Variants in RBMS1 observed in about 807,000 individuals in gnomAD.
RBMS1 encodes RNA-binding motif, single-stranded-interacting protein 1.
RBMS1 carries 17 observed loss-of-function variants against 62.3 expected under a neutral mutation model. That is an observed-to-expected ratio of 0.27 (90% CI 0.19 to 0.41). The LOEUF (loss-of-function observed/expected upper bound fraction) is 0.41. Ranked by LOEUF, RBMS1 falls within the 10% of genes least tolerant of loss-of-function variation. The probability of loss-of-function intolerance (pLI) is 1.00; values close to 1 mark genes in which losing one functional copy is unlikely to be tolerated. For missense variants in RBMS1, 334 were observed against 504.5 expected (o/e 0.66, Z 3.24); for synonymous variants, 172 against 170.0 (o/e 1.01, Z -0.09).
chr2:160,351,371 C>T (rs1362300410), intron 2 of RBMS1, among the ~76,000 whole-genome samples: 2 of 151,610 alleles, frequency 1.3e-5, no homozygotes, highest in Admixed American at 6.6e-5. Context: ...GCATACCTCA[C>T]AGGAGGTTTA....
chr2:160,413,439 C>A (rs1027507201), intron 1 of RBMS1, among the ~76,000 whole-genome samples: 5 of 152,172 alleles, frequency 3.3e-5, no homozygotes, highest in African/African-American at 1.2e-4. Context: ...AAAGTAGCAG[C>A]AACATTTTCT....
At chr2:160,441,008 C>G (rs1050050280) in intron 1 of RBMS1, among the ~76,000 whole-genome samples, 1 of 152,200 alleles carries the variant, frequency 6.6e-6, no homozygotes, top group East Asian at 1.9e-4. Context: ...TTCCCTTCCA[C>G]GAGTGTTCCC....
chr2:160,312,336 T>C (rs1689971117), intron 4 of RBMS1, among the ~76,000 whole-genome samples: 1 of 151,760 alleles, frequency 6.6e-6, no homozygotes, highest in South Asian at 2.1e-4. Flanking sequence ...ATATTCTAAG[T>C]CAAAACCGTA....
At chr2:160,450,181 AG>A (rs905332266) in intron 1 of RBMS1, among the ~76,000 whole-genome samples, 1 of 152,228 alleles carries the variant, frequency 6.6e-6, no homozygotes, top group African/African-American at 2.4e-5. Context: ...GGAATCTACG[AG>A]GGGTGCTAAG....
intron 3 of RBMS1, among the ~76,000 whole-genome samples, chr2:160,316,608 T>C (rs1198962671): frequency 2.0e-5 from 3 of 152,208 alleles, no homozygotes; most frequent in Non-Finnish European, 1.5e-5. Context: ...TTTTGGCTTC[T>C]ATGGAATAGG....
intron 1 of RBMS1, among the ~76,000 whole-genome samples, chr2:160,414,769 C>T (rs1458231358): frequency 1.3e-5 from 2 of 151,670 alleles, no homozygotes; most frequent in Admixed American, 6.6e-5. Flanking sequence ...GCCCAACTAA[C>T]CTGGGAGGCT....
chr2:160,479,989 A>G (rs1195789557), intron 1 of RBMS1, among the ~76,000 whole-genome samples: 1 of 152,120 alleles, frequency 6.6e-6, no homozygotes, highest in Non-Finnish European at 1.5e-5. Context: ...AAAAATACAT[A>G]TATATATAAG....
At chr2:160,409,916 AAG>A (rs1695955584) in intron 1 of RBMS1, among the ~76,000 whole-genome samples, 1 of 152,170 alleles carries the variant, frequency 6.6e-6, no homozygotes, top group Non-Finnish European at 1.5e-5. Context: ...AAGATATACT[AAG>A]AATACTAAAA....
At chr2:160,340,703 T>G (rs1000014191) in intron 2 of RBMS1, among the ~76,000 whole-genome samples, 1 of 152,140 alleles carries the variant, frequency 6.6e-6, no homozygotes, top group African/African-American at 2.4e-5. Flanking sequence ...AAAGAAAACT[T>G]CCTGAGTCTA....
At chr2:160,337,597 T>C (rs542045880) in intron 2 of RBMS1, among the ~76,000 whole-genome samples, 45 of 152,234 alleles carry the variant, frequency 3.0e-4, no homozygotes, top group African/African-American at 1.1e-3. Context: ...TTATAATATA[T>C]GACTTGAGAA....
intron 1 of RBMS1, among the ~76,000 whole-genome samples, chr2:160,381,632 T>A (rs1694288959): frequency 6.6e-6 from 1 of 152,062 alleles, no homozygotes; most frequent in African/African-American, 2.4e-5. Flanking sequence ...AAAATGGGAG[T>A]GAAGGAGGCA....
chr2:160,445,126 A>C (rs536564847), intron 1 of RBMS1, among the ~76,000 whole-genome samples: 1 of 152,166 alleles, frequency 6.6e-6, no homozygotes, highest in South Asian at 2.1e-4. Context: ...ATACTAGTAC[A>C]CTTGCCCCCT....
chr2:160,439,842 T>G (rs1281377342), intron 1 of RBMS1, among the ~76,000 whole-genome samples: 3 of 152,090 alleles, frequency 2.0e-5, no homozygotes, highest in Non-Finnish European at 4.4e-5. Context: ...CACTCGCGGT[T>G]AGGAGCTGGA....
intron 1 of RBMS1, among the ~76,000 whole-genome samples, chr2:160,453,503 G>A (rs796583686): frequency 2.0e-5 from 3 of 152,124 alleles, no homozygotes; most frequent in South Asian, 4.1e-4. Flanking sequence ...TTTAAAAAAA[G>A]AATTTTAAAA....
At chr2:160,319,485 C>G (rs953494432) in intron 2 of RBMS1, among the ~76,000 whole-genome samples, 5 of 152,214 alleles carry the variant, frequency 3.3e-5, no homozygotes, top group Non-Finnish European at 5.9e-5. Flanking sequence ...GCACTCCACC[C>G]TGGGCGACAG....
intron 3 of RBMS1, among the ~76,000 whole-genome samples, chr2:160,314,393 A>G (rs6757606): frequency 1.3e-5 from 2 of 152,168 alleles, no homozygotes; most frequent in Non-Finnish European, 2.9e-5. Flanking sequence ...GAAAAGCATC[A>G]TTGGAAGGTT....
At chr2:160,353,043 T>C (rs1320808151) in intron 2 of RBMS1, among the ~76,000 whole-genome samples, 1 of 152,104 alleles carries the variant, frequency 6.6e-6, no homozygotes, top group Non-Finnish European at 1.5e-5. Flanking sequence ...TGCATAAGGA[T>C]TTTCCAAATG....
chr2:160,471,923 G>T (rs2105345745), intron 1 of RBMS1, among the ~76,000 whole-genome samples: 1 of 151,702 alleles, frequency 6.6e-6, no homozygotes, highest in East Asian at 1.9e-4. Flanking sequence ...GATATTTTGA[G>T]GTACACTAGC....
chr2:160,391,699 T>C (rs1013085847), intron 1 of RBMS1, among the ~76,000 whole-genome samples: 2 of 152,196 alleles, frequency 1.3e-5, no homozygotes, highest in African/African-American at 4.8e-5. Flanking sequence ...AATGTAGGGC[T>C]GGGCACAGTG....
Sources: allele counts gnomAD v4.1 joint callset (sites outside exome capture counted in the v4.1 genomes callset), GRCh38; gene constraint gnomAD v4.1.1; transcripts MANE v1.5; gene names NCBI Gene and HGNC (gene_info 2026-07-23, HGNC 2026-07-21).